Variants in PGR observed in about 807,000 individuals in gnomAD.
PGR encodes nuclear receptor subfamily 3 group C member 3.
In PGR, 25 loss-of-function variants were observed where a neutral mutation model predicts 76.1. The ratio of observed to expected loss-of-function variants is 0.33; its 90% CI spans 0.24 to 0.46. The LOEUF is 0.46. Among genes scored for constraint, PGR ranks in the 20% least tolerant of loss-of-function variants. The probability of loss-of-function intolerance (pLI) is 1.00; values close to 1 mark genes in which losing one functional copy is unlikely to be tolerated. For missense variants in PGR, 1,172 were observed against 1,225.3 expected (o/e 0.96, Z 0.65); for synonymous variants, 579 against 535.0 (o/e 1.08, Z -1.14).
chr11:101,039,046 A>G lies in PGR; in HGVS notation c.*70T>C. The stretch of plus-strand genomic sequence containing the variant: ...CAGAAGAACATTATAAAAACTCAAG[A>G]CCTCATAATCCTGACCAAAACAAAA... On this transcript the variant is annotated 3_prime_UTR_variant, in exon 8 of 8. Coordinates refer to ENST00000325455, the MANE Select transcript of PGR (RefSeq NM_000926.4). The G allele has an allele frequency of 8.6e-7, 1 of 1,168,572 alleles. No individual in the cohort carries two copies. The highest frequency in any genetic ancestry group is 1.3e-6 in the Non-Finnish European group (1 of 785,824). The allele number at this position is 1,168,572 out of a possible 1,614,324, so 72.4% of individuals were successfully genotyped here. A position where few individuals can be genotyped will look rare whatever the true frequency, so the allele number is the denominator to read the frequency against.
rs1170324079 is a variant in PGR, at chr11:101,037,843, A to G, written c.*1273T>C. 2 of 222,134 alleles carry G rather than the reference A, an allele frequency of 9.0e-6. No individual in the cohort carries two copies. Among genetic ancestry groups the G allele is most frequent in the Non-Finnish European group, 1.8e-5 (2 of 111,016 alleles). The allele number at this position is 222,134 out of a possible 1,614,324, so 13.8% of individuals were successfully genotyped here. ...AGAGAGAAAATGTCATTCAACTCTC[A>G]GTCAGCAAACACTATTGACCACTTT... On this transcript the variant is annotated 3_prime_UTR_variant, in exon 8 of 8. Coordinates refer to ENST00000325455, the MANE Select transcript of PGR (RefSeq NM_000926.4).
chr11:101,030,901 C>A lies in PGR; in HGVS notation c.*8215G>T. On this transcript the variant is annotated 3_prime_UTR_variant, in exon 8 of 8. Coordinates refer to ENST00000325455, the MANE Select transcript of PGR (RefSeq NM_000926.4). ...GATTCAGAAGAAGGAAGATGTAGGG[C>A]AAAGAGGACAAATGCCTACATTCTG... is the stretch of plus-strand genomic sequence containing the variant. 5.2e-6 allele frequency: 1 copy of A among 190,620 alleles called. No individual in the cohort carries two copies. The highest frequency in any genetic ancestry group is 8.4e-5 in the East Asian group (1 of 11,948). 11.8% of individuals were successfully genotyped at this position (190,620 alleles called of 1,614,324 possible).
chr11:101,039,523 G>A (rs11571268), intron 7 of PGR, among the ~76,000 whole-genome samples: 2 of 151,480 alleles, frequency 1.3e-5, no homozygotes, highest in Non-Finnish European at 3.0e-5. Context: ...CAATTCTACA[G>A]GATAAGCTGT....
chr11:101,089,512 T>A lies in PGR; in HGVS notation c.1906+2248A>T, dbSNP rs992397142. ...CCACAGCACTTATCATTATTTGACA[T>A]GTACATTTGTTGCTCGTCCTCCCAC... On this transcript the variant is annotated intron_variant, in intron 3 of 7. Coordinates refer to ENST00000325455, the MANE Select transcript of PGR (RefSeq NM_000926.4). Among the ~76,000 whole-genome samples, 7 of 152,298 alleles carry A rather than the reference T, an allele frequency of 4.6e-5. No individual in the cohort carries two copies. In the East Asian group the frequency reaches 7.7e-4, roughly 17 times the overall value.
rs139331212 is a variant in PGR, at chr11:101,072,580, C to T, written c.1907-9828G>A. On this transcript the variant is annotated intron_variant, in intron 3 of 7. Coordinates refer to ENST00000325455, the MANE Select transcript of PGR (RefSeq NM_000926.4). ...CCATTGGTGTGCTATATTCAGGAGA[C>T]CCATCTCACAGGCAGAGACACAATA... is the stretch of plus-strand genomic sequence containing the variant. Among the ~76,000 whole-genome samples, 1,013 of 152,230 alleles carry T rather than the reference C, an allele frequency of 6.7e-3. 14 individuals carry two copies. Among genetic ancestry groups the T allele is most frequent in the African/African-American group, 0.023 (951 of 41,514 alleles).
intron 2 of PGR, among the ~76,000 whole-genome samples, chr11:101,092,639 A>T (rs149491967): frequency 1.3e-5 from 2 of 152,334 alleles, no homozygotes; most frequent in Admixed American, 6.5e-5. Flanking sequence ...ACATGAATTT[A>T]ATATTCAATA....
chr11:101,121,332 C>A (rs957482296), intron 2 of PGR, among the ~76,000 whole-genome samples: 1 of 152,076 alleles, frequency 6.6e-6, no homozygotes, highest in African/African-American at 2.4e-5. Flanking sequence ...CTGTGCACTA[C>A]AAAAGATGGA....
intron 2 of PGR, among the ~76,000 whole-genome samples, chr11:101,118,406 A>G (rs999842649): frequency 2.6e-5 from 4 of 152,220 alleles, no homozygotes; most frequent in Non-Finnish European, 4.4e-5. Flanking sequence ...GTCCATACTC[A>G]CTACATGTGT....
chr11:101,105,735 T>G (rs2135478387), intron 2 of PGR, among the ~76,000 whole-genome samples: 1 of 152,192 alleles, frequency 6.6e-6, no homozygotes. Context: ...TACTTTAAAC[T>G]TCATATGGAA....
At chr11:101,079,276 G>A (rs1861226732) in intron 3 of PGR, among the ~76,000 whole-genome samples, 1 of 152,060 alleles carries the variant, frequency 6.6e-6, no homozygotes, top group Non-Finnish European at 1.5e-5. Context: ...ATTGACAAAT[G>A]GAATTTCATC....
Position 101,030,371 on chromosome 11 carries a change from A to G in PGR, c.*8745T>C, listed in dbSNP as rs1315602363. ...ACATTACATAGAAAATAAGTATGTGATGATATCGTTAAAATACATGATCAC... is the reference window on the plus strand; with the variant it reads ...ACATTACATAGAAAATAAGTATGTGGTGATATCGTTAAAATACATGATCAC... On this transcript the variant is annotated 3_prime_UTR_variant, in exon 8 of 8. Transcript: ENST00000325455. 1 of 227,922 alleles carries G rather than the reference A, an allele frequency of 4.4e-6. No individual in the cohort carries two copies. Among genetic ancestry groups the G allele is most frequent in the African/African-American group, 2.2e-5 (1 of 45,072 alleles). The allele number at this position is 227,922 out of a possible 1,614,324, so 14.1% of individuals were successfully genotyped here. A position where few individuals can be genotyped will look rare whatever the true frequency, so the allele number is the denominator to read the frequency against.
chr11:101,066,546 C>G lies in PGR; in HGVS notation c.1907-3794G>C, dbSNP rs555564934. 2.6e-5 allele frequency among the ~76,000 whole-genome samples: 4 copies of G among 152,260 alleles called. No homozygotes were observed. The East Asian group carries it at 7.7e-4, about 29-fold the overall frequency. On this transcript the variant is annotated intron_variant, in intron 3 of 7. Transcript: ENST00000325455. ...ATTAATGATTACCAAATTTACAGTC[C>G]TAGACCCAGCTTTTCCAAGAAACTC...
intron 2 of PGR, among the ~76,000 whole-genome samples, chr11:101,094,192 T>C (rs1421540953): frequency 6.6e-6 from 1 of 152,214 alleles, no homozygotes; most frequent in East Asian, 1.9e-4. Flanking sequence ...TTCCCCTTTT[T>C]TTGGTCCTCA....
rs1031003592 is a variant in PGR at position 101,034,070 on chromosome 11, A to G, written c.*5046T>C. ...GTGCATTTTCTTTACCGTAATGGAC[A>G]GAGTATGCTTTCTTAGCTGCCTGAT... On this transcript the variant is annotated 3_prime_UTR_variant, in exon 8 of 8. Coordinates refer to ENST00000325455, the MANE Select transcript of PGR (RefSeq NM_000926.4). The G allele has an allele frequency of 3.5e-5, 8 of 231,558 alleles. No homozygotes were observed. The highest frequency in any genetic ancestry group is 6.0e-5 in the Non-Finnish European group (7 of 117,084). 14.3% of individuals were successfully genotyped at this position (231,558 alleles called of 1,614,324 possible).
At chr11:101,111,427 C>T (rs1017542791) in intron 2 of PGR, among the ~76,000 whole-genome samples, 3 of 152,186 alleles carry the variant, frequency 2.0e-5, no homozygotes, top group Non-Finnish European at 2.9e-5. Context: ...ATCTCCCTGG[C>T]ATGACCTTCT....
chr11:101,080,260 C>T (rs536794390), intron 3 of PGR, among the ~76,000 whole-genome samples: 1 of 152,154 alleles, frequency 6.6e-6, no homozygotes, highest in Admixed American at 6.5e-5. Flanking sequence ...TGGTCACAGC[C>T]AGCTCTTACC....
intron 5 of PGR, 152 bp from the exon 6 acceptor site, chr11:101,050,211 T>C: frequency 1.3e-6 from 1 of 784,754 alleles, no homozygotes. Context: ...AACCCAATAT[T>C]TGGAATTTTA....
chr11:101,111,297 C>T (rs1210101450), intron 2 of PGR, among the ~76,000 whole-genome samples: 3 of 152,108 alleles, frequency 2.0e-5, no homozygotes, highest in Non-Finnish European at 4.4e-5. Context: ...GGGCCACAGC[C>T]TGCCTGCCTT....
intron 3 of PGR, among the ~76,000 whole-genome samples, chr11:101,090,571 C>T (rs932306618): frequency 6.6e-6 from 1 of 152,100 alleles, no homozygotes; most frequent in African/African-American, 2.4e-5. Flanking sequence ...TGAGTTGAAA[C>T]AGAAATACAA....
Sources: gnomAD v4.1 joint callset for allele counts (sites outside exome capture counted in the v4.1 genomes callset) on GRCh38, gnomAD v4.1.1 for gene constraint, MANE v1.5 for transcripts, NCBI Gene and HGNC (gene_info 2026-07-23, HGNC 2026-07-21) for gene names.